The following STK32A variants were observed in gnomAD, a reference collection of about 807,000 sequenced individuals.
The protein encoded by STK32A is serine/threonine-protein kinase 32A.
STK32A carries 41 observed loss-of-function variants against 53.2 expected under a neutral mutation model. The observed-to-expected ratio is 0.77, with a 90% CI of 0.60 to 1.00. The LOEUF (loss-of-function observed/expected upper bound fraction) is 1.00. STK32A is among the 50% of genes least tolerant of loss of function. The pLI, the probability that STK32A is intolerant of heterozygous loss-of-function variation, is 0.00. For synonymous variants in STK32A, 166 were observed against 162.8 expected (o/e 1.02, Z -0.15); for missense variants, 458 against 485.8 (o/e 0.94, Z 0.54).
At chr5:147,354,933 T>A (rs57131562) in intron 7 of STK32A, among the ~76,000 whole-genome samples, 1 of 152,188 alleles carries the variant, frequency 6.6e-6, no homozygotes, top group African/African-American at 2.4e-5. Context: ...GCCACACTCC[T>A]CCTTTTGGAT....
chr5:147,301,916 G>C (rs1310531638), intron 4 of STK32A, among the ~76,000 whole-genome samples: 1 of 152,038 alleles, frequency 6.6e-6, no homozygotes, highest in African/African-American at 2.4e-5. Flanking sequence ...TATCTTCAAA[G>C]CCAGCAGCAT....
intron 4 of STK32A, among the ~76,000 whole-genome samples, chr5:147,322,666 A>C (rs1039950936): frequency 6.6e-6 from 1 of 152,236 alleles, no homozygotes; most frequent in Non-Finnish European, 1.5e-5. Context: ...AAACATGTCA[A>C]AGAAACATGT....
chr5:147,357,453 G>A (rs1364180351), intron 7 of STK32A, among the ~76,000 whole-genome samples: 1 of 151,848 alleles, frequency 6.6e-6, no homozygotes, highest in Non-Finnish European at 1.5e-5. Flanking sequence ...TATTCCAATA[G>A]TTCTTATTGA....
At chr5:147,242,283 T>C (rs36094045) in intron 2 of STK32A, among the ~76,000 whole-genome samples, 62,121 of 152,020 alleles carry the variant, frequency 0.41, 12,836 homozygotes, top group Admixed American at 0.45. Context: ...GCAAAGGAAG[T>C]AGGAGGGCAA....
At position 147,313,322 on chromosome 5, in the gene STK32A, C is replaced by T. The variant is rs557950397; in HGVS notation, c.261-10576C>T. Among the ~76,000 whole-genome samples the T allele has an allele frequency of 7.2e-5, 11 of 152,164 alleles. No homozygotes were observed. In the South Asian group the frequency reaches 1.9e-3, roughly 26 times the overall value. On this transcript the variant is annotated intron_variant, in intron 4 of 12. Coordinates refer to ENST00000397936, the MANE Select transcript of STK32A (RefSeq NM_001112724.2). ...TGCACTATTTATATTAGCCAAAAACCGGGAAACAACCTGAATATTCATCAA... is the reference window on the plus strand; with the variant it reads ...TGCACTATTTATATTAGCCAAAAACTGGGAAACAACCTGAATATTCATCAA...
At chr5:147,316,758 G>A (rs1754007227) in intron 4 of STK32A, among the ~76,000 whole-genome samples, 2 of 150,336 alleles carry the variant, frequency 1.3e-5, no homozygotes, top group African/African-American at 2.4e-5. Flanking sequence ...TGAAGGCTGA[G>A]GCTGGAGGAT....
chr5:147,389,958 T>C (rs1757758587), downstream of STK32A, among the ~76,000 whole-genome samples: 1 of 152,222 alleles, frequency 6.6e-6, no homozygotes, highest in South Asian at 2.1e-4. Context: ...AACGCTCTGA[T>C]GTCAGGGTCT....
At chr5:147,297,303 C>T (rs1292040288) in intron 4 of STK32A, among the ~76,000 whole-genome samples, 1 of 152,164 alleles carries the variant, frequency 6.6e-6, no homozygotes, top group South Asian at 2.1e-4. Context: ...GCCCTATATG[C>T]CCCACAGATA....
At chr5:147,398,686 C>T in the STK32A span, among the ~76,000 whole-genome samples, 67,332 of 151,942 alleles carry the variant, frequency 0.44, 15,314 homozygotes, top group East Asian at 0.55. Context: ...TCATTGCACG[C>T]CCTGACTTCC....
intron 5 of STK32A, among the ~76,000 whole-genome samples, chr5:147,332,070 T>C (rs2151982166): frequency 6.6e-6 from 1 of 152,338 alleles, no homozygotes; most frequent in Non-Finnish European, 1.5e-5. Context: ...TATTGTTTTC[T>C]TTGCTGCTAA....
chr5:147,355,539 G>A (rs765462860), intron 7 of STK32A, among the ~76,000 whole-genome samples: 88 of 151,932 alleles, frequency 5.8e-4, no homozygotes, highest in Non-Finnish European at 9.4e-4. Flanking sequence ...TTAGCCGGGC[G>A]TGGTGGCAGG....
At chr5:147,305,664 G>A (rs1240820452) in intron 4 of STK32A, among the ~76,000 whole-genome samples, 1 of 151,946 alleles carries the variant, frequency 6.6e-6, no homozygotes, top group African/African-American at 2.4e-5. Context: ...GAGGAGGAGA[G>A]GTACAAAATG....
At chr5:147,272,106 T>C (rs1024447354) in intron 2 of STK32A, among the ~76,000 whole-genome samples, 1 of 152,186 alleles carries the variant, frequency 6.6e-6, no homozygotes, top group Non-Finnish European at 1.5e-5. Context: ...CCTTTATTTT[T>C]CAATGCAGCT....
At chr5:147,283,476 A>C (rs1470437086) in intron 4 of STK32A, among the ~76,000 whole-genome samples, 1 of 151,910 alleles carries the variant, frequency 6.6e-6, no homozygotes, top group African/African-American at 2.4e-5. Context: ...GAAACAAAAA[A>C]AAAAAAAGAA....
intron 6 of STK32A, among the ~76,000 whole-genome samples, chr5:147,350,371 CT>C (rs150916485): frequency 7.3e-4 from 108 of 147,282 alleles, no homozygotes; most frequent in African/African-American, 1.9e-3. Context: ...CTTTTCTTTT[CT>C]TTTTTTTTTG....
chr5:147,392,423 T>G (rs944471309), downstream of STK32A: 3 of 152,222 alleles, frequency 2.0e-5, no homozygotes, highest in South Asian at 6.2e-4. Context: ...GACAATGGTT[T>G]CTCCTAAGCA....
intron 5 of STK32A, among the ~76,000 whole-genome samples, chr5:147,337,254 T>G (rs1330667913): frequency 6.6e-6 from 1 of 152,174 alleles, no homozygotes; most frequent in Non-Finnish European, 1.5e-5. Flanking sequence ...AATGAAGAAT[T>G]TCCAAAGTAT....
intron 2 of STK32A, among the ~76,000 whole-genome samples, chr5:147,271,890 C>T (rs924468354): frequency 4.6e-5 from 7 of 152,108 alleles, no homozygotes; most frequent in African/African-American, 1.7e-4. Flanking sequence ...GTGATCTTGC[C>T]CTGCCTCCAT....
chr5:147,356,178 T>C (rs1347041633), intron 7 of STK32A, among the ~76,000 whole-genome samples: 3 of 152,004 alleles, frequency 2.0e-5, no homozygotes, highest in Admixed American at 6.6e-5. Flanking sequence ...TGGCAGAGCA[T>C]GAAATTAAAC....
Sources: allele counts gnomAD v4.1 joint callset (sites outside exome capture counted in the v4.1 genomes callset), GRCh38; gene constraint gnomAD v4.1.1; transcripts MANE v1.5; gene names NCBI Gene and HGNC (gene_info 2026-07-23, HGNC 2026-07-21).